BMP3: variants seen among roughly 807,000 people sequenced by gnomAD.
BMP3 encodes the protein bone morphogenetic protein 3, also known as bone morphogenetic protein 3 (osteogenic).
BMP3 carries 23 observed loss-of-function variants against 38.1 expected under a neutral mutation model. The observed-to-expected ratio is 0.60, with a 90% CI of 0.43 to 0.86. The LOEUF (loss-of-function observed/expected upper bound fraction) is 0.86. BMP3 is among the 40% of genes least tolerant of loss of function. The pLI is 0.00. For synonymous variants in BMP3, 258 were observed against 225.7 expected (o/e 1.14, Z -1.28); for missense variants, 628 against 579.6 (o/e 1.08, Z -0.86).
In BMP3 at chr4:81,056,449, GCC is replaced by G. The variant is rs1297193330; in HGVS notation, c.*2914_*2915del. On this transcript the variant is annotated 3_prime_UTR_variant, in exon 3 of 3. Transcript: ENST00000282701. ...CCTCCCAGGTTCAAGCAGTTCTCCT[GCC>G]TCAGCCTCCTGAGTAGCTGGGATTA... 5.3e-5 allele frequency: 8 copies of G among 152,196 alleles called. No individual in the cohort carries two copies. The highest frequency in any genetic ancestry group is 2.0e-4 in the Admixed American group (3 of 15,254). 9.4% of individuals were successfully genotyped at this position (152,196 alleles called of 1,614,324 possible).
chr4:81,047,537 T>C (rs1264440931), intron 2 of BMP3, among the ~76,000 whole-genome samples: 1 of 76,990 alleles, frequency 1.3e-5, no homozygotes, highest in African/African-American at 3.9e-5. Context: ...GCAGTTTATA[T>C]CTCTGTTATA....
rs1232415375 is a variant in BMP3 at position 81,057,194 on chromosome 4, A to G, written c.*3658A>G. 7.7e-5 allele frequency: 8 copies of G among 103,364 alleles called. No individual in the cohort carries two copies. The highest frequency in any genetic ancestry group is 1.3e-4 in the Non-Finnish European group (7 of 52,378). The allele number at this position is 103,364 out of a possible 1,614,324, so 6.4% of individuals were successfully genotyped here. On this transcript the variant is annotated 3_prime_UTR_variant, in exon 3 of 3. Coordinates refer to ENST00000282701, the MANE Select transcript of BMP3 (RefSeq NM_001201.5). ...GTAAATGTTTAATACTTGTACAGTC[A>G]ATGGCAATTTTAAATATATATATAT...
At position 81,057,175 on chromosome 4, in the gene BMP3, G is replaced by A. The variant is rs537960778; in HGVS notation, c.*3639G>A. The A allele has an allele frequency of 6.7e-6, 1 of 149,062 alleles. No individual in the cohort carries two copies. The highest frequency in any genetic ancestry group is 2.5e-5 in the African/African-American group (1 of 40,536). 9.2% of individuals were successfully genotyped at this position (149,062 alleles called of 1,614,324 possible). On this transcript the variant is annotated 3_prime_UTR_variant, in exon 3 of 3. Coordinates refer to ENST00000282701, the MANE Select transcript of BMP3 (RefSeq NM_001201.5). ...TCAGCTTTCCACAGTTTCTGTAAAT[G>A]TTTAATACTTGTACAGTCAATGGCA...
chr4:81,051,303 G>A (rs1337857209), intron 2 of BMP3, among the ~76,000 whole-genome samples: 3 of 152,130 alleles, frequency 2.0e-5, no homozygotes, highest in Admixed American at 1.3e-4. Flanking sequence ...GATAAAAATG[G>A]AGGGTATGTT....
In BMP3 at chr4:81,031,600, G is replaced by C; in HGVS notation, c.316G>C (p.Glu106Gln). ...TCGCAGCTTTCGGGCGGCAGCAGCA[G>C]GTGAGTGCGCGAGGTGAGACTCCCT... ...TVRSFRAAAA[E>Q]TLERKGLYIF... The change falls in exon 1 of 3, where the codon GAA becomes CAA. Residue 106 changes from glutamate (E) to glutamine (Q), a missense_variant and splice_region_variant. Transcript: ENST00000282701. 3 of 1,587,842 alleles carry C rather than the reference G, an allele frequency of 1.9e-6. No homozygotes were observed. The highest frequency in any genetic ancestry group is 2.3e-5 in the East Asian group (1 of 44,270).
intron 2 of BMP3, among the ~76,000 whole-genome samples, chr4:81,049,100 C>T (rs1057087342): frequency 2.6e-5 from 4 of 152,022 alleles, no homozygotes; most frequent in Non-Finnish European, 4.4e-5. Context: ...ATAACAAAAA[C>T]AGTGGAAAAA....
chr4:81,046,708 G>T, intron 2 of BMP3, 60 bp downstream of exon 2: 1 of 1,516,684 alleles, frequency 6.6e-7, no homozygotes, highest in South Asian at 1.3e-5. Flanking sequence ...AAGACACATT[G>T]ACTAAGTTAG....
rs771363638 is a variant in BMP3 at position 81,046,325 on chromosome 4, C to T, written c.904C>T (p.Leu302Phe). The change falls in exon 2 of 3, where the codon CTT (leucine) becomes TTT (phenylalanine). Residue 302 changes from leucine (L) to phenylalanine (F), a missense_variant. Leu to Phe is a conservative substitution (Grantham distance 22). Coordinates refer to ENST00000282701, the MANE Select transcript of BMP3 (RefSeq NM_001201.5). ...CTTGCTGCCTCTGCAGAACAACGAG[C>T]TTCCTGGGGCAGAATACCAGTATAA... ...GVLLPLQNNE[L>F]PGAEYQYKKD... is the part of the protein sequence containing the mutation. 3.1e-6 allele frequency: 5 copies of T among 1,613,926 alleles called. No individual in the cohort carries two copies. The African/African-American group carries it at 6.7e-5, about 22-fold the overall frequency.
At position 81,054,478 on chromosome 4, in the gene BMP3, G is replaced by A. The variant is rs1481146668; in HGVS notation, c.*942G>A. 2.0e-5 allele frequency: 3 copies of A among 152,050 alleles called. No homozygotes were observed. The highest frequency in any genetic ancestry group is 4.4e-5 in the Non-Finnish European group (3 of 68,010). The allele number at this position is 152,050 out of a possible 1,614,324, so 9.4% of individuals were successfully genotyped here. On this transcript the variant is annotated 3_prime_UTR_variant, in exon 3 of 3. Transcript: ENST00000282701. ...ATTAACTCTTTAATTCTCCTGATAT[G>A]CCTTTACTTCCTATGAAGTTATTGG... is the stretch of plus-strand genomic sequence containing the variant.
At chr4:81,049,035 A>G (rs935534243) in intron 2 of BMP3, among the ~76,000 whole-genome samples, 5 of 152,180 alleles carry the variant, frequency 3.3e-5, no homozygotes, top group Non-Finnish European at 5.9e-5. Flanking sequence ...TCTACAAGTT[A>G]TTTTTACAGT....
intron 1 of BMP3, among the ~76,000 whole-genome samples, chr4:81,038,295 A>T (rs1247496273): frequency 6.6e-6 from 1 of 152,200 alleles, no homozygotes; most frequent in African/African-American, 2.4e-5. Context: ...AGAGTTTATG[A>T]TATAATAAAT....
At chr4:81,048,324 T>G (rs759999907) in intron 2 of BMP3, among the ~76,000 whole-genome samples, 12 of 152,222 alleles carry the variant, frequency 7.9e-5, no homozygotes, top group Non-Finnish European at 1.8e-4. Context: ...AAGAATGGTT[T>G]CAATATCTGT....
At chr4:81,037,368 T>G (rs779256744) in intron 1 of BMP3, 1 of 267,312 alleles carries the variant, frequency 3.7e-6, no homozygotes, top group African/African-American at 2.2e-5. Flanking sequence ...AAAAGATTAT[T>G]AGTGTTTTGT....
intron 2 of BMP3, among the ~76,000 whole-genome samples, chr4:81,047,994 G>T (rs1486985278): frequency 1.3e-5 from 2 of 150,506 alleles, no homozygotes; most frequent in Non-Finnish European, 2.9e-5. Flanking sequence ...CACAAGGCTG[G>T]GTTAGCCTTT....
At position 81,054,264 on chromosome 4, in the gene BMP3, A is replaced by G. The variant is rs72870289; in HGVS notation, c.*728A>G. On this transcript the variant is annotated 3_prime_UTR_variant, in exon 3 of 3. Transcript: ENST00000282701. ...AAATATGATAGAATAATTCAAGAGC[A>G]TATACAGAGAGTTACCACTTGACCC... 6.5e-6 allele frequency: 1 copy of G among 152,744 alleles called. No individual in the cohort carries two copies. Among genetic ancestry groups the G allele is most frequent in the African/African-American group, 2.4e-5 (1 of 41,578 alleles). The allele number at this position is 152,744 out of a possible 1,614,324, so 9.5% of individuals were successfully genotyped here.
At chr4:81,043,184 G>A (rs900634844) in intron 1 of BMP3, among the ~76,000 whole-genome samples, 1 of 152,210 alleles carries the variant, frequency 6.6e-6, no homozygotes, top group Non-Finnish European at 1.5e-5. Context: ...AAACAAATAT[G>A]TATATGAAAC....
intron 1 of BMP3, among the ~76,000 whole-genome samples, chr4:81,041,478 G>A (rs1236757821): frequency 1.3e-5 from 2 of 152,050 alleles, no homozygotes; most frequent in Non-Finnish European, 2.9e-5. Flanking sequence ...TTTAAACCCA[G>A]GAGGGAGAGG....
In BMP3 at chr4:81,053,833, CT is replaced by C. The variant is rs1740472581; in HGVS notation, c.*298del. On this transcript the variant is annotated 3_prime_UTR_variant, in exon 3 of 3. Transcript: ENST00000282701. ...GTTTTTAGAACTGTTAGAGAACACA[CT>C]GGTTTATTTTTGTAATGTTCTTTGA... 1 of 191,392 alleles carries C rather than the reference CT, an allele frequency of 5.2e-6. No homozygotes were observed. Among genetic ancestry groups the C allele is most frequent in the Admixed American group, 6.1e-5 (1 of 16,412 alleles). The allele number at this position is 191,392 out of a possible 1,614,324, so 11.9% of individuals were successfully genotyped here.
In BMP3 at chr4:81,056,281, A is replaced by G. The variant is rs1740559696; in HGVS notation, c.*2745A>G. 1 of 150,830 alleles carries G rather than the reference A, an allele frequency of 6.6e-6. No homozygotes were observed. The highest frequency in any genetic ancestry group is 1.9e-4 in the East Asian group (1 of 5,158). 9.3% of individuals were successfully genotyped at this position (150,830 alleles called of 1,614,324 possible). A position where few individuals can be genotyped will look rare whatever the true frequency, so the allele number is the denominator to read the frequency against. On this transcript the variant is annotated 3_prime_UTR_variant, in exon 3 of 3. Coordinates refer to ENST00000282701, the MANE Select transcript of BMP3 (RefSeq NM_001201.5). Reference sequence around the variant, plus strand: ...CTCTTCCCCCACAAGTAATCTCTCTACCCCATGCAGTGTGCACACACACAC... The same window carrying G: ...CTCTTCCCCCACAAGTAATCTCTCTGCCCCATGCAGTGTGCACACACACAC...
Sources: gnomAD v4.1 joint callset for allele counts (sites outside exome capture counted in the v4.1 genomes callset) on GRCh38, gnomAD v4.1.1 for gene constraint, MANE v1.5 for transcripts, NCBI Gene and HGNC (gene_info 2026-07-23, HGNC 2026-07-21) for gene names.